Variants in C1orf87 observed in about 807,000 individuals in gnomAD.
The protein encoded by C1orf87 is chromosome 1 open reading frame 87.
Under a neutral mutation model 60.5 loss-of-function variants are expected in C1orf87, and 58 were observed. The ratio of observed to expected loss-of-function variants is 0.96; its 90% CI spans 0.78 to 1.19. The LOEUF is 1.19. C1orf87 is among the 50% of genes most tolerant of loss of function. C1orf87 has a pLI of 0.00. For synonymous variants in C1orf87, 236 were observed against 227.4 expected (o/e 1.04, Z -0.34); for missense variants, 673 against 638.6 (o/e 1.05, Z -0.58).
At chr1:59,999,955 C>T (rs933613314) in intron 10 of C1orf87, among the ~76,000 whole-genome samples, 12 of 152,274 alleles carry the variant, frequency 7.9e-5, no homozygotes, top group African/African-American at 2.9e-4. Flanking sequence ...CAGCGCCAGG[C>T]TGGGCAAGAG....
intron 2 of C1orf87, among the ~76,000 whole-genome samples, chr1:60,061,068 G>A (rs2100325987): frequency 6.6e-6 from 1 of 152,292 alleles, no homozygotes. Flanking sequence ...AGAGGATGCA[G>A]CATAAACAGT....
At chr1:60,072,983 C>T (rs1323612463) in intron 1 of C1orf87, among the ~76,000 whole-genome samples, 1 of 152,200 alleles carries the variant, frequency 6.6e-6, no homozygotes, top group Non-Finnish European at 1.5e-5. Flanking sequence ...TTAGGTGACT[C>T]TACCTTCCTG....
chr1:59,990,802 G>A lies in C1orf87; in HGVS notation c.1512C>T (p.Leu504=). The A allele has an allele frequency of 6.2e-7, 1 of 1,614,072 alleles. No individual in the cohort carries two copies. The highest frequency in any genetic ancestry group is 8.5e-7 in the Non-Finnish European group (1 of 1,179,950). ...GVLEKERARR[L]IHNYNLIYNL... ...TGTAAATGAGATTGTAGTTGTGAAT[G>A]AGGCGTCTGGCTCGTTCCTTCTCCA... Residue 504 remains leucine, a synonymous_variant, in exon 12 of 12, where the codon CTC becomes CTT. Coordinates refer to ENST00000371201, the MANE Select transcript of C1orf87 (RefSeq NM_152377.3).
chr1:60,022,920 C>T (rs1232036210), intron 8 of C1orf87, among the ~76,000 whole-genome samples: 1 of 152,108 alleles, frequency 6.6e-6, no homozygotes. Flanking sequence ...ATTCATTTCC[C>T]AGGCAGAACC....
chr1:60,042,925 T>A (rs548600974), intron 3 of C1orf87, among the ~76,000 whole-genome samples: 10 of 152,292 alleles, frequency 6.6e-5, no homozygotes, highest in Admixed American at 2.6e-4. Context: ...ATGGTCCACC[T>A]GATCTGGACT....
chr1:60,063,776 G>A (rs1645512949), intron 2 of C1orf87, among the ~76,000 whole-genome samples: 1 of 152,174 alleles, frequency 6.6e-6, no homozygotes, highest in Non-Finnish European at 1.5e-5. Flanking sequence ...CTCAGTGGCA[G>A]AAAAGCAGCA....
intron 6 of C1orf87, among the ~76,000 whole-genome samples, chr1:60,037,259 A>G (rs923907466): frequency 3.3e-5 from 5 of 152,176 alleles, no homozygotes; most frequent in South Asian, 2.1e-4. Context: ...CCTAATGCCA[A>G]CGTGATAACA....
chr1:60,013,612 A>G (rs1281429527), intron 8 of C1orf87, among the ~76,000 whole-genome samples: 1 of 151,592 alleles, frequency 6.6e-6, no homozygotes, highest in African/African-American at 2.4e-5. Context: ...GATTAATTTA[A>G]AAGGTCTGGT....
At chr1:60,067,559 GGTTTTTTT>G (rs1025449244) in intron 2 of C1orf87, among the ~76,000 whole-genome samples, 29 of 133,068 alleles carry the variant, frequency 2.2e-4, no homozygotes, top group East Asian at 1.5e-3. Context: ...TTTTTGATGG[GGTTTTTTT>G]TTTTTTTTTT....
intron 9 of C1orf87, among the ~76,000 whole-genome samples, chr1:60,002,490 T>C (rs1645012989): frequency 6.6e-6 from 1 of 152,170 alleles, no homozygotes; most frequent in Non-Finnish European, 1.5e-5. Context: ...TTTGTTTTTT[T>C]CTTGTAAATT....
chr1:60,011,449 C>T (rs112348223), intron 8 of C1orf87, among the ~76,000 whole-genome samples: 42 of 152,050 alleles, frequency 2.8e-4, no homozygotes, highest in Non-Finnish European at 5.3e-4. Flanking sequence ...CCCTCCCTCA[C>T]TTCTTCTCTC....
At chr1:60,010,478 A>G in intron 8 of C1orf87, 22 bp from the exon 9 acceptor site, 1 of 1,603,846 alleles carries the variant, frequency 6.2e-7, no homozygotes, top group East Asian at 2.2e-5. Flanking sequence ...AAGGAAACAT[A>G]AATTGGTGAT....
chr1:60,007,128 T>G (rs1406417057), intron 9 of C1orf87, among the ~76,000 whole-genome samples: 2 of 152,062 alleles, frequency 1.3e-5, no homozygotes, highest in African/African-American at 4.8e-5. Flanking sequence ...CCCAGGCTGG[T>G]CTCAAACTCC....
Position 60,055,211 on chromosome 1 carries a change from T to G in C1orf87, c.335A>C (p.Asp112Ala). 6.2e-7 allele frequency: 1 copy of G among 1,611,990 alleles called. No homozygotes were observed. Among genetic ancestry groups the G allele is most frequent in the Non-Finnish European group, 8.5e-7 (1 of 1,178,090 alleles). ...GTATTTTTTGTCACTCACATTGCCATCCAGGAATCTGCTACTGTTTGCCCC... is the reference window on the plus strand; with the variant it reads ...GTATTTTTTGTCACTCACATTGCCAGCCAGGAATCTGCTACTGTTTGCCCC... ...LTGANSSRFL[D>A]GNIPSQANVH... Residue 112 changes from aspartate to alanine, a missense_variant, in exon 3 of 12, where the codon GAT (aspartate) becomes GCT (alanine). By Grantham distance (126) the Asp-to-Ala change is moderately radical. Transcript: ENST00000371201.
intron 10 of C1orf87, among the ~76,000 whole-genome samples, chr1:60,000,817 T>C (rs548431641): frequency 2.0e-5 from 3 of 152,116 alleles, no homozygotes; most frequent in South Asian, 4.2e-4. Context: ...AAGTCCAATT[T>C]CTTGGGGCAG....
intron 8 of C1orf87, among the ~76,000 whole-genome samples, chr1:60,013,887 T>A (rs1645106902): frequency 6.6e-6 from 1 of 152,098 alleles, no homozygotes; most frequent in Non-Finnish European, 1.5e-5. Context: ...GATAGGATTT[T>A]CTCACCACAT....
At chr1:60,002,717 T>A (rs1645014500) in intron 9 of C1orf87, among the ~76,000 whole-genome samples, 2 of 152,122 alleles carry the variant, frequency 1.3e-5, no homozygotes, top group African/African-American at 4.8e-5. Flanking sequence ...CGTGCCTATG[T>A]CCTGAATGGT....
At chr1:60,024,920 A>G (rs1409931986) in intron 8 of C1orf87, among the ~76,000 whole-genome samples, 1 of 152,226 alleles carries the variant, frequency 6.6e-6, no homozygotes, top group Non-Finnish European at 1.5e-5. Flanking sequence ...ATGGCCAAGA[A>G]GACCCTTTGG....
At chr1:60,061,062 G>A (rs968894067) in intron 2 of C1orf87, among the ~76,000 whole-genome samples, 1 of 152,166 alleles carries the variant, frequency 6.6e-6, no homozygotes, top group African/African-American at 2.4e-5. Flanking sequence ...ACTCTGAGAG[G>A]ATGCAGCATA....
Sources: gnomAD v4.1 joint callset for allele counts (sites outside exome capture counted in the v4.1 genomes callset) on GRCh38, gnomAD v4.1.1 for gene constraint, MANE v1.5 for transcripts, NCBI Gene and HGNC (gene_info 2026-07-23, HGNC 2026-07-21) for gene names.